Variants in POU6F2 observed in about 807,000 individuals in gnomAD.
POU6F2 encodes POU domain, class 6, transcription factor 2.
A neutral mutation model predicts 71.3 loss-of-function variants in POU6F2; 31 were observed. The observed-to-expected ratio is 0.43, with a 90% CI of 0.33 to 0.59. The LOEUF (loss-of-function observed/expected upper bound fraction) is 0.59. Among genes scored for constraint, POU6F2 ranks in the 20% least tolerant of loss-of-function variants. The probability of loss-of-function intolerance (pLI) is 0.04; values close to 1 mark genes in which losing one functional copy is unlikely to be tolerated. For synonymous variants in POU6F2, 347 were observed against 355.7 expected, an observed-to-expected ratio of 0.98 and a Z score of 0.27; for missense variants, 783 against 856.8, an observed-to-expected ratio of 0.91 and a Z score of 1.07.
chr7:39,107,996 A>G (rs548916606), intron 2 of POU6F2, among the ~76,000 whole-genome samples: 2 of 152,336 alleles, frequency 1.3e-5, no homozygotes, highest in South Asian at 4.1e-4. Context: ...ACACAGAGCA[A>G]CGTGGAAAGG....
chr7:39,125,988 C>T lies in POU6F2; in HGVS notation c.277+39957C>T, dbSNP rs147565745. The stretch of plus-strand genomic sequence containing the variant: ...CCAATCTCCTGAATGGTGCCTGTCT[C>T]TCCCATGCAGCTAATGACTGAAATG... On this transcript the variant is annotated intron_variant, in intron 2 of 9. Transcript: ENST00000518318. Among the ~76,000 whole-genome samples the T allele has an allele frequency of 5.3e-5, 8 of 152,360 alleles. No individual in the cohort carries two copies. In the East Asian group the frequency reaches 7.7e-4, roughly 15 times the overall value.
intron 2 of POU6F2, 127 bp downstream of exon 2, chr7:39,086,158 T>G: frequency 1.0e-6 from 1 of 987,064 alleles, no homozygotes. Flanking sequence ...AAGGAGCATC[T>G]TGGAGGTGCT....
intron 5 of POU6F2, among the ~76,000 whole-genome samples, chr7:39,361,545 T>C (rs1786390015): frequency 6.6e-6 from 1 of 152,234 alleles, no homozygotes; most frequent in South Asian, 2.1e-4. Context: ...AACAGATTAT[T>C]GAGTGACAAT....
At chr7:39,194,194 C>G (rs116121817) in intron 2 of POU6F2, among the ~76,000 whole-genome samples, 2,023 of 152,318 alleles carry the variant, frequency 0.013, 44 homozygotes, top group African/African-American at 0.046. Flanking sequence ...CCCAAACACT[C>G]CAAACAGACC....
intron 8 of POU6F2, 60 bp downstream of exon 8, chr7:39,451,761 T>C: frequency 6.8e-7 from 1 of 1,479,834 alleles, no homozygotes. Context: ...CTATTTGCAA[T>C]GTCTTCCTTC....
chr7:39,055,627 T>A (rs1174270035), intron 1 of POU6F2, among the ~76,000 whole-genome samples: 1 of 152,116 alleles, frequency 6.6e-6, no homozygotes, highest in East Asian at 1.9e-4. Context: ...CTTTTCATTC[T>A]TTTTTTGTCT....
intron 1 of POU6F2, among the ~76,000 whole-genome samples, chr7:39,022,106 T>C (rs1488784177): frequency 1.3e-5 from 2 of 152,070 alleles, no homozygotes; most frequent in African/African-American, 4.8e-5. Flanking sequence ...GAAAATATCT[T>C]TTATTATATC....
intron 6 of POU6F2, among the ~76,000 whole-genome samples, chr7:39,426,431 G>A (rs1379621746): frequency 6.6e-6 from 1 of 152,144 alleles, no homozygotes; most frequent in Non-Finnish European, 1.5e-5. Flanking sequence ...GGTCCTCTGG[G>A]ACAGGATTTT....
At chr7:38,985,143 G>A (rs988583230) in intron 1 of POU6F2, among the ~76,000 whole-genome samples, 2 of 152,086 alleles carry the variant, frequency 1.3e-5, no homozygotes, top group African/African-American at 4.8e-5. Context: ...AATTGGAAGG[G>A]CAGAATGGGC....
At chr7:39,160,257 A>T (rs757939476) in intron 2 of POU6F2, among the ~76,000 whole-genome samples, 2 of 152,206 alleles carry the variant, frequency 1.3e-5, no homozygotes, top group Non-Finnish European at 2.9e-5. Context: ...GTAGAGGAAG[A>T]CTGAGAACAG....
rs550000652 is a variant in POU6F2, at chr7:39,260,141, ACT to A, written c.598+52524_598+52525del. On this transcript the variant is annotated intron_variant, in intron 4 of 9. Coordinates refer to ENST00000518318, the MANE Select transcript of POU6F2 (RefSeq NM_001370959.1). ...ACACACAATACCACACACACCACAC[ACT>A]CTGTACTCATACACACACCGCACAC... Among the ~76,000 whole-genome samples, 1,179 of 143,658 alleles carry A rather than the reference ACT, an allele frequency of 8.2e-3. 10 individuals carry two copies. The highest frequency in any genetic ancestry group is 0.012 in the South Asian group (55 of 4,594). The allele number at this position is 143,658 out of a possible 152,430, so 94.2% of individuals were successfully genotyped here.
chr7:39,400,713 T>C (rs1787279075), intron 5 of POU6F2, among the ~76,000 whole-genome samples: 1 of 152,224 alleles, frequency 6.6e-6, no homozygotes, highest in Non-Finnish European at 1.5e-5. Context: ...ATTCCTCTGT[T>C]AGCCAATATG....
intron 2 of POU6F2, among the ~76,000 whole-genome samples, chr7:39,104,880 G>T (rs911754041): frequency 1.1e-4 from 16 of 152,202 alleles, no homozygotes; most frequent in Non-Finnish European, 1.0e-4. Context: ...ATAAGATCTT[G>T]TTTGAAGCAG....
chr7:39,226,488 A>G (rs1170197807), intron 4 of POU6F2, among the ~76,000 whole-genome samples: 2 of 152,384 alleles, frequency 1.3e-5, no homozygotes, highest in East Asian at 3.9e-4. Flanking sequence ...CACATTTAAA[A>G]GCAACACAGA....
chr7:39,375,417 G>A (rs1786692229), intron 5 of POU6F2, among the ~76,000 whole-genome samples: 2 of 152,108 alleles, frequency 1.3e-5, no homozygotes, highest in South Asian at 4.2e-4. Flanking sequence ...GTGGGACTGG[G>A]AAATTCCACC....
chr7:39,439,206 G>T lies in POU6F2; in HGVS notation c.1320+5923G>T, dbSNP rs369910936. The stretch of plus-strand genomic sequence containing the variant: ...CTGGTTTTTTTTTTGCTTTCCATTT[G>T]CTTGGTAAATTTTCTTCCATCCCTT... On this transcript the variant is annotated intron_variant, in intron 7 of 9. Transcript: ENST00000518318. Among the ~76,000 whole-genome samples, 132 of 147,956 alleles carry T rather than the reference G, an allele frequency of 8.9e-4. 5 individuals carry two copies. The South Asian group carries it at 0.011, about 12-fold the overall frequency.
intron 2 of POU6F2, among the ~76,000 whole-genome samples, chr7:39,191,845 CTAAG>C (rs770442710): frequency 2.0e-5 from 3 of 152,094 alleles, no homozygotes; most frequent in Admixed American, 6.6e-5. Context: ...AAGAAATAGA[CTAAG>C]TGAGGGAAAA....
At chr7:39,403,729 C>G (rs554109991) in intron 5 of POU6F2, among the ~76,000 whole-genome samples, 1 of 152,290 alleles carries the variant, frequency 6.6e-6, no homozygotes, top group East Asian at 1.9e-4. Flanking sequence ...CGTGTGGTTT[C>G]CTGACCAACC....
chr7:39,117,196 TAATA>T (rs553574372), intron 2 of POU6F2, among the ~76,000 whole-genome samples: 212 of 152,340 alleles, frequency 1.4e-3, no homozygotes, highest in African/African-American at 4.8e-3. Flanking sequence ...ATCATTATGA[TAATA>T]AATCTTTAGT....
Sources: allele counts gnomAD v4.1 joint callset (sites outside exome capture counted in the v4.1 genomes callset), GRCh38; gene constraint gnomAD v4.1.1; transcripts MANE v1.5; gene names NCBI Gene and HGNC (gene_info 2026-07-23, HGNC 2026-07-21).